Variants in CARD6 observed in about 807,000 individuals in gnomAD.
CARD6 encodes the protein caspase recruitment domain-containing protein 6.
Under a neutral mutation model 23.6 loss-of-function variants are expected in CARD6, and 27 were observed. The ratio of observed to expected loss-of-function variants is 1.14; its 90% confidence interval spans 0.84 to 1.58. The LOEUF (loss-of-function observed/expected upper bound fraction) is 1.58. CARD6 is among the 40% of genes most tolerant of loss of function. The pLI is 0.00. For synonymous variants in CARD6, 397 were observed against 431.8 expected (o/e 0.92, Z 1.00); for missense variants, 1,214 against 1,209.9 (o/e 1.00, Z -0.05).
Position 40,843,375 on chromosome 5 carries a change from T to A in CARD6, c.507T>A (p.Tyr169Ter). Residue 169 changes from tyrosine to a stop codon, truncating the protein, a stop_gained, in exon 2 of 3, where the codon TAT becomes TAA. Coordinates refer to ENST00000254691, the MANE Select transcript of CARD6 (RefSeq NM_032587.4). LOFTEE classifies it high-confidence loss of function. ...CTGCCAGGAAGAATGAGAAGGAATA[T>A]GACACACCAGAAGTCACATTATCAT... Reference protein sequence around the residue: ...ALSARKNEKEYDTPEVTLSYS... With the variant: ...ALSARKNEKE The A allele has an allele frequency of 6.2e-7, 1 of 1,614,146 alleles. No homozygotes were observed. The highest frequency in any genetic ancestry group is 1.1e-5 in the South Asian group (1 of 91,086).
At chr5:40,844,854 A>G (rs887897634) in intron 2 of CARD6, among the ~76,000 whole-genome samples, 2 of 150,306 alleles carry the variant, frequency 1.3e-5, no homozygotes, top group South Asian at 4.2e-4. Flanking sequence ...AAGTACTGAC[A>G]GGGTTGCTTC....
rs1746156228 is a variant in CARD6 at position 40,854,546 on chromosome 5, A to G, written c.*100A>G. 2 of 906,866 alleles carry G rather than the reference A, an allele frequency of 2.2e-6. No individual in the cohort carries two copies. The highest frequency in any genetic ancestry group is 4.9e-5 in the East Asian group (2 of 41,206). 56.2% of individuals were successfully genotyped at this position (906,866 alleles called of 1,614,324 possible). ...GCCATGAAAGTAAAAGACTACTGTC[A>G]TTAGCATGTAAAACAAAGAAAGATA... On this transcript the variant is annotated 3_prime_UTR_variant, in exon 3 of 3. Transcript: ENST00000254691.
Position 40,852,179 on chromosome 5 carries a change from A to C in CARD6, c.847A>C (p.Lys283Gln). ...EEQEKSIEER[K>Q]KVFKDVLLCL... Reference sequence around the variant, plus strand: ...TATTATCTTCTCTCCTACAGAAAGAAAAAAGGTGTTTAAAGATGTCCTGTT... The same window carrying C: ...TATTATCTTCTCTCCTACAGAAAGACAAAAGGTGTTTAAAGATGTCCTGTT... The change falls in exon 3 of 3, where the codon AAA (lysine) becomes CAA (glutamine). Residue 283 changes from lysine (K) to glutamine (Q), a missense_variant. By Grantham distance (53) the Lys-to-Gln change is moderately conservative. Coordinates refer to ENST00000254691, the MANE Select transcript of CARD6 (RefSeq NM_032587.4). 6.3e-7 allele frequency: 1 copy of C among 1,596,610 alleles called. No individual in the cohort carries two copies. Among genetic ancestry groups the C allele is most frequent in the South Asian group, 1.1e-5 (1 of 89,266 alleles).
intron 2 of CARD6, among the ~76,000 whole-genome samples, chr5:40,847,320 G>A (rs1745982147): frequency 6.6e-6 from 1 of 152,154 alleles, no homozygotes. Flanking sequence ...TGTGTGCTCT[G>A]CACTATAGAA....
Position 40,852,193 on chromosome 5 carries a change from A to C in CARD6, c.861A>C (p.Lys287Asn). 6.2e-7 allele frequency: 1 copy of C among 1,607,588 alleles called. No homozygotes were observed. The highest frequency in any genetic ancestry group is 8.5e-7 in the Non-Finnish European group (1 of 1,175,834). The change falls in exon 3 of 3, where the codon AAA (lysine) becomes AAC (asparagine). Residue 287 changes from lysine to asparagine, a missense_variant. Physicochemically the swap from Lys to Asn is moderately conservative, Grantham distance 94. Transcript: ENST00000254691. Reference protein sequence around the residue: ...KSIEERKKVFKDVLLCLNMDR... With the variant: ...KSIEERKKVFNDVLLCLNMDR... ...CTACAGAAAGAAAAAAGGTGTTTAA[A>C]GATGTCCTGTTATGTTTGAACATGG...
At chr5:40,846,109 T>A (rs1451482281) in intron 2 of CARD6, among the ~76,000 whole-genome samples, 18 of 150,782 alleles carry the variant, frequency 1.2e-4, no homozygotes, top group Admixed American at 1.2e-3. Flanking sequence ...GCCTCCTGGG[T>A]TCAAGCGATT....
intron 2 of CARD6, among the ~76,000 whole-genome samples, chr5:40,847,094 T>C (rs966856202): frequency 1.3e-5 from 2 of 152,232 alleles, no homozygotes; most frequent in Non-Finnish European, 2.9e-5. Flanking sequence ...GTAGTTATGA[T>C]CTGCAATGTA....
At position 40,841,652 on chromosome 5, in the gene CARD6, C is replaced by A. The variant is rs758916385; in HGVS notation, c.270C>A (p.Cys90Ter). The change falls in exon 1 of 3, where the codon TGC (cysteine) becomes TGA (stop). Residue 90 changes from cysteine (C) to a stop codon, truncating the protein, a stop_gained. Coordinates refer to ENST00000254691, the MANE Select transcript of CARD6 (RefSeq NM_032587.4). LOFTEE classifies it high-confidence loss of function. ...FSTFPQSAAI[C>*]GLRHEVLKHE... ...CTTTTCCACAGTCAGCTGCCATTTG[C>A]GGCTTAAGGCATGGTAAGTTGACTT... The A allele has an allele frequency of 1.9e-6, 3 of 1,612,566 alleles. No homozygotes were observed. The highest frequency in any genetic ancestry group is 2.5e-6 in the Non-Finnish European group (3 of 1,179,254).
At position 40,853,525 on chromosome 5, in the gene CARD6, C is replaced by T; in HGVS notation, c.2193C>T (p.Ser731=). The T allele has an allele frequency of 6.2e-7, 1 of 1,614,174 alleles. No homozygotes were observed. The highest frequency in any genetic ancestry group is 1.3e-5 in the African/African-American group (1 of 75,040). Residue 731 remains serine (S), a synonymous_variant, in exon 3 of 3, where the codon TCC becomes TCT. Transcript: ENST00000254691. ...TATTCAGGCCTGTTCTAGAGAACTCCTGGCTCTTTCCAACCAGAATTGGAG... is the reference window on the plus strand; with the variant it reads ...TATTCAGGCCTGTTCTAGAGAACTCTTGGCTCTTTCCAACCAGAATTGGAG... The part of the protein sequence containing the change: ...TPVFRPVLEN[S]WLFPTRIGGN...
Position 40,854,486 on chromosome 5 carries a change from C to A in CARD6, c.*40C>A. The A allele has an allele frequency of 6.7e-7, 1 of 1,486,974 alleles. No individual in the cohort carries two copies. Among genetic ancestry groups the A allele is most frequent in the South Asian group, 1.2e-5 (1 of 85,854 alleles). 92.1% of individuals were successfully genotyped at this position (1,486,974 alleles called of 1,614,324 possible). ...AGATCTATAAAGCATATCCTTTACCCAGGCCATTCCTATCATATAGTAAGC... is the reference window on the plus strand; with the variant it reads ...AGATCTATAAAGCATATCCTTTACCAAGGCCATTCCTATCATATAGTAAGC... On this transcript the variant is annotated 3_prime_UTR_variant, in exon 3 of 3. Coordinates refer to ENST00000254691, the MANE Select transcript of CARD6 (RefSeq NM_032587.4).
chr5:40,854,251 A>T lies in CARD6; in HGVS notation c.2919A>T (p.Lys973Asn), dbSNP rs1442061890. 1.2e-6 allele frequency: 2 copies of T among 1,613,998 alleles called. No homozygotes were observed. The highest frequency in any genetic ancestry group is 1.7e-6 in the Non-Finnish European group (2 of 1,180,018). ...VPSQPKSSQT[K>N]SCQSQPSQTK... is the part of the protein sequence containing the mutation. ...CTCAACCTAAATCCTCTCAGACAAA[A>T]TCCTGTCAGTCCCAGCCCTCCCAAA... Residue 973 changes from lysine (K) to asparagine (N), a missense_variant, in exon 3 of 3, where the codon AAA becomes AAT. Physicochemically the swap from Lys to Asn is moderately conservative, Grantham distance 94 (BLOSUM62 0). Transcript: ENST00000254691.
At position 40,853,875 on chromosome 5, in the gene CARD6, A is replaced by G; in HGVS notation, c.2543A>G (p.Lys848Arg). The change falls in exon 3 of 3, where the codon AAG becomes AGG. Residue 848 changes from lysine (K) to arginine (R), a missense_variant. Transcript: ENST00000254691. ...GAAAGGTCTAGGGCAGTAGCCTCCAAGATAGGTCACTCCTATTCCCTGGAT... is the reference window on the plus strand; with the variant it reads ...GAAAGGTCTAGGGCAGTAGCCTCCAGGATAGGTCACTCCTATTCCCTGGAT... ...TLERSRAVAS[K>R]IGHSYSLDSQ... is the part of the protein sequence containing the mutation. 6.2e-7 allele frequency: 1 copy of G among 1,614,226 alleles called. No individual in the cohort carries two copies. The highest frequency in any genetic ancestry group is 8.5e-7 in the Non-Finnish European group (1 of 1,180,048).
At chr5:40,851,376 T>C (rs1476584753) in intron 2 of CARD6, among the ~76,000 whole-genome samples, 1 of 152,124 alleles carries the variant, frequency 6.6e-6, no homozygotes, top group East Asian at 1.9e-4. Context: ...TATTTCTATA[T>C]ATGCATGCAT....
intron 2 of CARD6, among the ~76,000 whole-genome samples, chr5:40,850,143 G>A (rs1431154238): frequency 2.6e-5 from 4 of 151,972 alleles, no homozygotes; most frequent in African/African-American, 9.7e-5. Flanking sequence ...GGCCAGGTGC[G>A]GTGGCTAACG....
rs1414959926 is a variant in CARD6 at position 40,843,536 on chromosome 5, A to G, written c.668A>G (p.Asp223Gly). 1 of 1,608,484 alleles carries G rather than the reference A, an allele frequency of 6.2e-7. No individual in the cohort carries two copies. The highest frequency in any genetic ancestry group is 1.7e-5 in the Admixed American group (1 of 58,476). Reference protein sequence around the residue: ...EYLGSVDTPEDAEATVEEEVY... With the variant: ...EYLGSVDTPEGAEATVEEEVY... ...CTAGGATCTGTTGACACCCCTGAAG[A>G]TGCAGAAGCCACTGTGGAAGAGGAG... Residue 223 changes from aspartate (D) to glycine (G), a missense_variant, in exon 2 of 3, where the codon GAT (aspartate) becomes GGT (glycine). Coordinates refer to ENST00000254691, the MANE Select transcript of CARD6 (RefSeq NM_032587.4).
At position 40,852,930 on chromosome 5, in the gene CARD6, G is replaced by C. The variant is rs139247661; in HGVS notation, c.1598G>C (p.Arg533Pro). 1 of 1,614,138 alleles carries C rather than the reference G, an allele frequency of 6.2e-7. No homozygotes were observed. The highest frequency in any genetic ancestry group is 1.3e-5 in the African/African-American group (1 of 75,034). ...FQKPVALANL[R>P]GNLESFWTQF... ...AAGCCTGTTGCTCTGGCTAATCTCC[G>C]TGGAAATCTAGAAAGCTTTTGGACT... is the stretch of plus-strand genomic sequence containing the variant. The change falls in exon 3 of 3, where the codon CGT becomes CCT. Residue 533 changes from arginine to proline, a missense_variant. By Grantham distance (103) the Arg-to-Pro change is moderately radical (BLOSUM62 -2). Transcript: ENST00000254691.
At chr5:40,847,411 T>C (rs1320899771) in intron 2 of CARD6, among the ~76,000 whole-genome samples, 1 of 152,148 alleles carries the variant, frequency 6.6e-6, no homozygotes. Flanking sequence ...GTGGAACCAA[T>C]ATGTTTACCT....
At position 40,841,595 on chromosome 5, in the gene CARD6, C is replaced by T. The variant is rs1042012758; in HGVS notation, c.213C>T (p.Thr71=). 2.5e-6 allele frequency: 4 copies of T among 1,613,942 alleles called. No homozygotes were observed. The African/African-American group carries it at 4.0e-5, about 16-fold the overall frequency. The change falls in exon 1 of 3, where the codon ACC becomes ACT. Residue 71 remains threonine, a synonymous_variant. Transcript: ENST00000254691. ...TGGTACAGAAAAAGGGAGAGGCGAC[C>T]TGTCAGCATTTTCTCAAGTGTTTAT... ...LILVQKKGEA[T]CQHFLKCLFS...
intron 2 of CARD6, among the ~76,000 whole-genome samples, chr5:40,845,640 ATCTAT>A (rs1210905880): frequency 6.6e-6 from 1 of 152,056 alleles, no homozygotes; most frequent in Non-Finnish European, 1.5e-5. Flanking sequence ...TCCCCTGTTT[ATCTAT>A]TCTGTTTTTT....
Sources: allele counts gnomAD v4.1 joint callset (sites outside exome capture counted in the v4.1 genomes callset), GRCh38; gene constraint gnomAD v4.1.1; transcripts MANE v1.5; gene names NCBI Gene and HGNC (gene_info 2026-07-23, HGNC 2026-07-21).